Variants in XXYLT1 observed in about 807,000 individuals in gnomAD.
The protein encoded by XXYLT1 is xyloside xylosyltransferase 1.
In XXYLT1, 20 loss-of-function variants were observed where a neutral mutation model predicts 28.9. The observed-to-expected ratio is 0.69, with a 90% CI of 0.49 to 1.00. The LOEUF (loss-of-function observed/expected upper bound fraction) is 1.00. Among genes scored for constraint, XXYLT1 ranks in the 50% least tolerant of loss-of-function variants. The pLI, the probability that XXYLT1 is intolerant of heterozygous loss-of-function variation, is 0.00. For synonymous variants in XXYLT1, 257 were observed against 253.8 expected (o/e 1.01, Z -0.12); for missense variants, 542 against 560.1 (o/e 0.97, Z 0.33).
intron 2 of XXYLT1, among the ~76,000 whole-genome samples, chr3:195,205,517 G>A (rs901899501): frequency 1.4e-4 from 21 of 152,174 alleles, no homozygotes; most frequent in Non-Finnish European, 2.9e-4. Context: ...GCTGTAAAAG[G>A]CAGCACGAAG....
rs9858082 is a variant in XXYLT1, at chr3:195,129,153, A to G, written c.785+27296T>C. Among the ~76,000 whole-genome samples, 189 of 152,334 alleles carry G rather than the reference A, an allele frequency of 1.2e-3. No individual in the cohort carries two copies. The highest frequency in any genetic ancestry group is 4.3e-3 in the African/African-American group (180 of 41,588). ...GGTCGCGGCTAACATAGAGAGGGAC[A>G]GCAGAGTTTAGCGTGAACACTGAAG... On this transcript the variant is annotated intron_variant, in intron 3 of 3. Coordinates refer to ENST00000310380, the MANE Select transcript of XXYLT1 (RefSeq NM_152531.5). The surrounding 1 kb of genome is among the most constrained non-coding windows in gnomAD (Gnocchi z 4.4).
At chr3:195,245,880 G>A (rs1302232427) in intron 1 of XXYLT1, among the ~76,000 whole-genome samples, 2 of 152,160 alleles carry the variant, frequency 1.3e-5, no homozygotes, top group African/African-American at 2.4e-5. Context: ...ATCACCTTCC[G>A]CCATGACCGG....
At chr3:195,206,231 C>A (rs1723066507) in intron 2 of XXYLT1, among the ~76,000 whole-genome samples, 1 of 151,402 alleles carries the variant, frequency 6.6e-6, no homozygotes, top group African/African-American at 2.4e-5. Context: ...AGGATGGTGT[C>A]AATCTCCTGA....
At chr3:195,243,290 C>A (rs1310370396) in intron 1 of XXYLT1, among the ~76,000 whole-genome samples, 2 of 151,586 alleles carry the variant, frequency 1.3e-5, no homozygotes, top group Non-Finnish European at 2.9e-5. Flanking sequence ...AGCACACCAT[C>A]ATGGCACATG....
At chr3:195,190,938 ATATACT>A (rs534457599) in intron 2 of XXYLT1, among the ~76,000 whole-genome samples, 2 of 152,198 alleles carry the variant, frequency 1.3e-5, no homozygotes, top group Non-Finnish European at 2.9e-5. Context: ...GTACACTAAA[ATATACT>A]TATTTAACAC....
At chr3:195,205,702 A>C (rs1723041735) in intron 2 of XXYLT1, among the ~76,000 whole-genome samples, 1 of 152,192 alleles carries the variant, frequency 6.6e-6, no homozygotes, top group South Asian at 2.1e-4. Context: ...GTCTCTACTA[A>C]AAATACAAAA....
At position 195,168,395 on chromosome 3, in the gene XXYLT1, C is replaced by T. The variant is rs896867916; in HGVS notation, c.653-11814G>A. Among the ~76,000 whole-genome samples, 3 of 152,198 alleles carry T rather than the reference C, an allele frequency of 2.0e-5. No individual in the cohort carries two copies. Among genetic ancestry groups the T allele is most frequent in the Non-Finnish European group, 4.4e-5 (3 of 68,050 alleles). On this transcript the variant is annotated intron_variant, in intron 2 of 3. Coordinates refer to ENST00000310380, the MANE Select transcript of XXYLT1 (RefSeq NM_152531.5). The surrounding 1 kb of genome is among the most constrained non-coding windows in gnomAD (Gnocchi z 4.3). ...AAGCCACAAAATCCCTACTATGTGC[C>T]AAGCACTATGCTAAATGTGAGGGTT...
At chr3:195,246,240 C>A (rs1024036499) in intron 1 of XXYLT1, among the ~76,000 whole-genome samples, 1 of 152,200 alleles carries the variant, frequency 6.6e-6, no homozygotes, top group Non-Finnish European at 1.5e-5. Flanking sequence ...AAGCATCGGT[C>A]CCCAGGAAGA....
chr3:195,269,123 G>T (rs1725937039), intron 1 of XXYLT1, among the ~76,000 whole-genome samples: 2 of 152,350 alleles, frequency 1.3e-5, no homozygotes, highest in South Asian at 4.1e-4. Flanking sequence ...AGCGGGAGCT[G>T]GGGACAAGGG....
intron 3 of XXYLT1, among the ~76,000 whole-genome samples, chr3:195,149,816 A>T (rs1720090291): frequency 6.6e-6 from 1 of 152,246 alleles, no homozygotes; most frequent in Non-Finnish European, 1.5e-5. Context: ...TGTATAGATA[A>T]GACACTATTA....
chr3:195,180,224 C>G lies in XXYLT1; in HGVS notation c.653-23643G>C, dbSNP rs1721881842. ...TGCACAGTCATTTCTAACGCCAGAT[C>G]CCCGTCTCTGCACTGACACCGGGGG... On this transcript the variant is annotated intron_variant, in intron 2 of 3. Transcript: ENST00000310380. This position sits in a 1 kb window ranked among gnomAD's most constrained non-coding sequence, Gnocchi z 5.8. 1.3e-6 allele frequency: 1 copy of G among 768,570 alleles called. No individual in the cohort carries two copies. The highest frequency in any genetic ancestry group is 1.6e-6 in the Non-Finnish European group (1 of 634,526). 47.6% of individuals were successfully genotyped at this position (768,570 alleles called of 1,614,324 possible).
intron 2 of XXYLT1, among the ~76,000 whole-genome samples, chr3:195,222,639 A>G (rs1723878106): frequency 6.6e-6 from 1 of 152,214 alleles, no homozygotes; most frequent in Admixed American, 6.5e-5. Context: ...GCAGCTAGCT[A>G]GCTGAGAACA....
rs1716905550 is a variant in XXYLT1, at chr3:195,103,372, T to TGCGTCCATCACCCCACGCCAGCGGCCG, written c.786-33262_786-33261insCGGCCGCTGGCGTGGGGTGATGGACGC. On this transcript the variant is annotated intron_variant, in intron 3 of 3. Transcript: ENST00000310380. ...CGTCCATCACCCCACGCCAGCGGCC[T>TGCGTCCATCACCCCACGCCAGCGGCCG]GCGTCCATCACCCCACGCCAGCGGC... 2.0e-5 allele frequency among the ~76,000 whole-genome samples: 3 copies of TGCGTCCATCACCCCACGCCAGCGGCCG among 150,856 alleles called. No homozygotes were observed. The East Asian group carries it at 5.8e-4, about 29-fold the overall frequency.
In XXYLT1 at chr3:195,222,200, T is replaced by A. The variant is rs559122302; in HGVS notation, c.652+4509A>T. ...ATGTGTAAGAGGCTGGGTGTCCACA[T>A]CTGGACATCAGAATGGGCATAAGCT... On this transcript the variant is annotated intron_variant, in intron 2 of 3. Coordinates refer to ENST00000310380, the MANE Select transcript of XXYLT1 (RefSeq NM_152531.5). 5.3e-5 allele frequency among the ~76,000 whole-genome samples: 8 copies of A among 152,284 alleles called. No homozygotes were observed. The South Asian group carries it at 1.5e-3, about 28-fold the overall frequency.
chr3:195,143,851 TATAGATATATATAGATATAGATATATATA>T, intron 3 of XXYLT1, among the ~76,000 whole-genome samples: 1 of 103,068 alleles, frequency 9.7e-6, no homozygotes, highest in East Asian at 8.0e-4. Context: ...TAGATATATA[TATAGATATATATAGATATAGATATATATA>T]TATATATATT....
chr3:195,110,859 G>GTGTGTGTGTGTGGTGTA (rs1553804049), intron 3 of XXYLT1, among the ~76,000 whole-genome samples: 1 of 99,218 alleles, frequency 1.0e-5, no homozygotes. Context: ...TGTTGTATAA[G>GTGTGTGTGTGTGGTGTA]TGTGTGTGTG....
At chr3:195,088,154 C>T (rs1020742911) in intron 3 of XXYLT1, among the ~76,000 whole-genome samples, 7 of 151,228 alleles carry the variant, frequency 4.6e-5, no homozygotes, top group Non-Finnish European at 8.9e-5. Flanking sequence ...ACAAAGCAGC[C>T]GGGAAGCTCG....
At chr3:195,094,200 G>A (rs1380214582) in intron 3 of XXYLT1, 1 of 153,038 alleles carries the variant, frequency 6.5e-6, no homozygotes, top group Non-Finnish European at 1.5e-5. Context: ...AGGAGGCAAA[G>A]GAGAAAAGAA....
At chr3:195,207,301 C>T (rs1723115146) in intron 2 of XXYLT1, 2 of 360,492 alleles carry the variant, frequency 5.5e-6, no homozygotes, top group Non-Finnish European at 5.5e-6. Flanking sequence ...GACTCAGCTA[C>T]ATCAGAGATG....
Sources: allele counts gnomAD v4.1 joint callset (sites outside exome capture counted in the v4.1 genomes callset), GRCh38; gene constraint gnomAD v4.1.1; non-coding constraint Gnocchi (gnomAD v3.1); transcripts MANE v1.5; gene names NCBI Gene and HGNC (gene_info 2026-07-23, HGNC 2026-07-21).